The following ADSL variants were observed in gnomAD, a reference collection of about 807,000 sequenced individuals.
ADSL encodes adenylosuccinase.
Under a neutral mutation model 62.1 loss-of-function variants are expected in ADSL, and 44 were observed. That is an observed-to-expected ratio of 0.71 (90% CI 0.56 to 0.91). The LOEUF is 0.91. Among genes scored for constraint, ADSL ranks in the 40% least tolerant of loss-of-function variants. ADSL has a pLI of 0.00. For synonymous variants in ADSL, 198 were observed against 220.5 expected (o/e 0.90, Z 0.90); for missense variants, 531 against 627.4 (o/e 0.85, Z 1.64).
At chr22:40,363,255 A>C (rs1470235196) in intron 10 of ADSL, among the ~76,000 whole-genome samples, 184 bp downstream of exon 10, 1 of 152,160 alleles carries the variant, frequency 6.6e-6, no homozygotes. Context: ...ACATTATAGA[A>C]ACAGAAAAAG....
At chr22:40,387,514 A>T (rs1430743254) in intron 2 of ADSL, 1 of 275,558 alleles carries the variant, frequency 3.6e-6, no homozygotes, top group East Asian at 5.9e-5. Flanking sequence ...TTAATATAAA[A>T]CTTTCAATAT....
chr22:40,375,723 T>G, intron 2 of ADSL, among the ~76,000 whole-genome samples: 1 of 151,672 alleles, frequency 6.6e-6, no homozygotes, highest in East Asian at 1.9e-4. Flanking sequence ...TCTCTAGATA[T>G]CTAATTAGCC....
At chr22:40,363,488 C>G (rs985616358) in intron 10 of ADSL, among the ~76,000 whole-genome samples, 1 of 152,158 alleles carries the variant, frequency 6.6e-6, no homozygotes, top group African/African-American at 2.4e-5. Flanking sequence ...GTAATTCCAG[C>G]ACTTTGGGAG....
In ADSL at chr22:40,361,126, G is replaced by C. The variant is rs540433463; in HGVS notation, c.793-147G>C. On this transcript the variant is annotated intron_variant, in intron 7 of 12. Transcript: ENST00000623063. Reference sequence around the variant, plus strand: ...GAGAGGAGTCGGAGTAAGATACTCTGCAGGAGCTCTTTGGGAGGATGCGCT... The same window carrying C: ...GAGAGGAGTCGGAGTAAGATACTCTCCAGGAGCTCTTTGGGAGGATGCGCT... 15 of 797,850 alleles carry C rather than the reference G, an allele frequency of 1.9e-5. No homozygotes were observed. The East Asian group carries it at 3.6e-4, about 19-fold the overall frequency. The allele number at this position is 797,850 out of a possible 1,614,324, so 49.4% of individuals were successfully genotyped here. A position where few individuals can be genotyped will look rare whatever the true frequency, so the allele number is the denominator to read the frequency against.
chr22:40,379,820 C>T (rs2047264338), intron 2 of ADSL, among the ~76,000 whole-genome samples: 1 of 152,106 alleles, frequency 6.6e-6, no homozygotes, highest in East Asian at 1.9e-4. Flanking sequence ...GCAATCCTCC[C>T]ACCTCAGCTT....
chr22:40,362,826 G>C (rs1395867915), intron 9 of ADSL, among the ~76,000 whole-genome samples, 155 bp from the exon 10 acceptor site: 1 of 152,154 alleles, frequency 6.6e-6, no homozygotes, highest in Non-Finnish European at 1.5e-5. Flanking sequence ...GCCTAGAGGT[G>C]ACAGATTTGA....
In ADSL at chr22:40,366,452, A is replaced by G; in HGVS notation, c.1385A>G (p.Glu462Gly). The change falls in exon 13 of 13, where the codon GAA becomes GGA. Residue 462 changes from glutamate to glycine, a missense_variant. By Grantham distance (98) the Glu-to-Gly change is moderately conservative. Transcript: ENST00000623063. ...RASQQVQRFL[E>G]EEVYPLLKPY... ...CTCTGGCAGGTGCAGAGATTCTTAG[A>G]AGAGGAGGTGTATCCCCTGTTAAAA... 3 of 1,612,298 alleles carry G rather than the reference A, an allele frequency of 1.9e-6. No individual in the cohort carries two copies. Among genetic ancestry groups the G allele is most frequent in the Non-Finnish European group, 2.5e-6 (3 of 1,178,354 alleles).
At chr22:40,386,018 ATTTTTTGTTTTT>A (rs1335247499) in intron 2 of ADSL, among the ~76,000 whole-genome samples, 5 of 144,124 alleles carry the variant, frequency 3.5e-5, no homozygotes, top group African/African-American at 7.6e-5. Flanking sequence ...TGCCCGGCTA[ATTTTTTGTTTTT>A]TTTTTTGTTT....
At position 40,367,528 on chromosome 22, in the gene ADSL, T is replaced by C. The variant is rs1297391015; in HGVS notation, c.*1006T>C. 6.0e-6 allele frequency: 1 copy of C among 167,770 alleles called. No individual in the cohort carries two copies. The highest frequency in any genetic ancestry group is 1.5e-5 in the Non-Finnish European group (1 of 68,262). The allele number at this position is 167,770 out of a possible 1,614,324, so 10.4% of individuals were successfully genotyped here. A position where few individuals can be genotyped will look rare whatever the true frequency, so the allele number is the denominator to read the frequency against. The stretch of plus-strand genomic sequence containing the variant: ...GTGTCATTCCTTGTTGTATTTCCAA[T>C]AGCAAGAGCACATCAGATACTTGGC... On this transcript the variant is annotated 3_prime_UTR_variant, in exon 13 of 13. Transcript: ENST00000623063.
At chr22:40,353,045 T>G in intron 2 of ADSL, 28 bp from the exon 3 acceptor site, 1 of 1,604,000 alleles carries the variant, frequency 6.2e-7, no homozygotes, top group Non-Finnish European at 8.5e-7. Flanking sequence ...AGCTGCTAAA[T>G]ATAAGATCAT....
chr22:40,351,330 C>G (rs2044338857), intron 2 of ADSL, among the ~76,000 whole-genome samples: 1 of 152,086 alleles, frequency 6.6e-6, no homozygotes, highest in Non-Finnish European at 1.5e-5. Context: ...GCCGCCACGC[C>G]CAGCTAATTT....
chr22:40,371,474 C>G (rs991724601), downstream of ADSL, among the ~76,000 whole-genome samples: 3 of 152,088 alleles, frequency 2.0e-5, no homozygotes, highest in Non-Finnish European at 4.4e-5. Context: ...TTAGTAAATT[C>G]AAGTCAAATC....
At chr22:40,379,908 G>A (rs1048880017) in intron 2 of ADSL, among the ~76,000 whole-genome samples, 1 of 151,992 alleles carries the variant, frequency 6.6e-6, no homozygotes, top group South Asian at 2.1e-4. Flanking sequence ...ATTGGGTTTC[G>A]TCATGTTGCC....
chr22:40,349,987 A>C lies in ADSL; in HGVS notation c.309A>C (p.Ala103=). 1.2e-6 allele frequency: 2 copies of C among 1,614,108 alleles called. No individual in the cohort carries two copies. Reference sequence around the variant, plus strand: ...TTGGCCACTGCTGTCCAAAAGCTGCAGGCATTATTCACCTTGGTGCTACTT... The same window carrying C: ...TTGGCCACTGCTGTCCAAAAGCTGCCGGCATTATTCACCTTGGTGCTACTT... ...HTFGHCCPKA[A]GIIHLGATSC... The change falls in exon 2 of 13, where the codon GCA becomes GCC. Residue 103 remains alanine, a synonymous_variant. Transcript: ENST00000623063.
chr22:40,376,713 G>A (rs900650220), intron 2 of ADSL, among the ~76,000 whole-genome samples: 7 of 91,010 alleles, frequency 7.7e-5, no homozygotes, highest in African/African-American at 1.9e-4. Flanking sequence ...CTAAAGATTG[G>A]TGGAGTCAGG....
downstream of ADSL, among the ~76,000 whole-genome samples, chr22:40,372,275 C>T (rs1388119063): frequency 1.3e-5 from 2 of 151,924 alleles, no homozygotes; most frequent in Non-Finnish European, 2.9e-5. Context: ...TATAGGTGCC[C>T]GCCACCACAC....
chr22:40,386,969 C>A (rs1251055340), intron 2 of ADSL, among the ~76,000 whole-genome samples: 3 of 152,074 alleles, frequency 2.0e-5, no homozygotes, highest in Non-Finnish European at 2.9e-5. Context: ...TGTCTTAAAT[C>A]TGGCTGGCTC....
chr22:40,349,360 A>G (rs2044259003), intron 1 of ADSL, among the ~76,000 whole-genome samples: 1 of 147,072 alleles, frequency 6.8e-6, no homozygotes, highest in African/African-American at 2.5e-5. Context: ...TTGTTGTTTT[A>G]TTTATTGGAG....
At chr22:40,346,812 G>A (rs1246608043) in intron 1 of ADSL, 101 bp downstream of exon 1, 2 of 1,290,742 alleles carry the variant, frequency 1.5e-6, no homozygotes, top group Non-Finnish European at 2.1e-6. Context: ...CCGGAGCTGC[G>A]GCCCGGCTAT....
Sources: allele counts gnomAD v4.1 joint callset (sites outside exome capture counted in the v4.1 genomes callset), GRCh38; gene constraint gnomAD v4.1.1; transcripts MANE v1.5; gene names NCBI Gene and HGNC (gene_info 2026-07-23, HGNC 2026-07-21).